Variants in NWD2 observed in about 807,000 individuals in gnomAD.
NWD2 encodes NACHT and WD repeat domain containing 2, also known as NACHT and WD repeat domain-containing protein 2.
NWD2 carries 37 observed loss-of-function variants against 132.7 expected under a neutral mutation model. The observed-to-expected ratio is 0.28, with a 90% CI of 0.21 to 0.37. The LOEUF (loss-of-function observed/expected upper bound fraction) is 0.37, where lower values mean the gene tolerates loss of function less well. Among genes scored for constraint, NWD2 ranks in the 10% least tolerant of loss-of-function variants. The pLI is 1.00. For synonymous variants in NWD2, 705 were observed against 803.0 expected (o/e 0.88, Z 2.06); for missense variants, 1,592 against 2,122.4 (o/e 0.75, Z 4.91).
At chr4:37,318,279 G>T (rs1349744677) in intron 1 of NWD2, among the ~76,000 whole-genome samples, 1 of 151,934 alleles carries the variant, frequency 6.6e-6, no homozygotes, top group Non-Finnish European at 1.5e-5. Context: ...ACTGACCTTG[G>T]CCTCCCAAAG....
At chr4:37,271,294 T>G (rs950145575) in intron 1 of NWD2, among the ~76,000 whole-genome samples, 3 of 151,834 alleles carry the variant, frequency 2.0e-5, no homozygotes, top group African/African-American at 7.2e-5. Context: ...GGAGTTTGAT[T>G]GGGATTCCAT....
At chr4:37,320,332 C>T (rs1360429514) in intron 1 of NWD2, among the ~76,000 whole-genome samples, 1 of 152,210 alleles carries the variant, frequency 6.6e-6, no homozygotes, top group Non-Finnish European at 1.5e-5. Flanking sequence ...TATATTTACA[C>T]TTGCTAAGCA....
chr4:37,324,316 A>G (rs143836864), intron 1 of NWD2, among the ~76,000 whole-genome samples: 32 of 152,170 alleles, frequency 2.1e-4, no homozygotes, highest in African/African-American at 7.0e-4. Context: ...CGATTTAGAT[A>G]CCATTTTTTT....
intron 3 of NWD2, among the ~76,000 whole-genome samples, chr4:37,366,866 A>G (rs1720109899): frequency 6.6e-6 from 1 of 152,180 alleles, no homozygotes; most frequent in Non-Finnish European, 1.5e-5. Flanking sequence ...GGAGAAATAG[A>G]CAAATCTACA....
chr4:37,359,708 A>T (rs1191683607), intron 3 of NWD2, among the ~76,000 whole-genome samples: 1 of 152,176 alleles, frequency 6.6e-6, no homozygotes, highest in Non-Finnish European at 1.5e-5. Context: ...ACACCCAGGG[A>T]ATTGAGTTCC....
chr4:37,253,310 A>G (rs1480034351), intron 1 of NWD2, among the ~76,000 whole-genome samples: 1 of 152,232 alleles, frequency 6.6e-6, no homozygotes, highest in Non-Finnish European at 1.5e-5. Flanking sequence ...GAATGCCTTC[A>G]TGCATCCTAA....
rs1315042575 is a variant in NWD2 at position 37,448,716 on chromosome 4, C to T, written c.*1499C>T. On this transcript the variant is annotated 3_prime_UTR_variant, in exon 7 of 7. Coordinates refer to ENST00000309447, the MANE Select transcript of NWD2 (RefSeq NM_001144990.2). ...CATAAACTCATTGTGTATTCCTAGA[C>T]AGGTCTTTAACTTCATCAGTGTGTT... 1.3e-5 allele frequency: 2 copies of T among 152,142 alleles called. No homozygotes were observed. The highest frequency in any genetic ancestry group is 2.9e-5 in the Non-Finnish European group (2 of 68,018). 9.4% of individuals were successfully genotyped at this position (152,142 alleles called of 1,614,324 possible).
chr4:37,358,258 A>G (rs1123788), intron 3 of NWD2, among the ~76,000 whole-genome samples: 52,249 of 151,954 alleles, frequency 0.34, 10,297 homozygotes, highest in Middle Eastern at 0.5. Flanking sequence ...TATTTTAAGC[A>G]TGGCCTTGGC....
At chr4:37,361,627 C>A (rs1448331675) in intron 3 of NWD2, among the ~76,000 whole-genome samples, 2 of 151,744 alleles carry the variant, frequency 1.3e-5, no homozygotes, top group Non-Finnish European at 3.0e-5. Context: ...GATAAACATT[C>A]CTTCTTGATA....
At chr4:37,363,914 G>T (rs1006966224) in intron 3 of NWD2, among the ~76,000 whole-genome samples, 15 of 151,566 alleles carry the variant, frequency 9.9e-5, no homozygotes, top group Admixed American at 2.0e-4. Flanking sequence ...ATGAGGTCAG[G>T]AGTTCAAGAC....
intron 3 of NWD2, among the ~76,000 whole-genome samples, chr4:37,406,456 A>G (rs1462696773): frequency 6.6e-6 from 1 of 152,254 alleles, no homozygotes; most frequent in African/African-American, 2.4e-5. Flanking sequence ...CCAAAGGATT[A>G]TAAATCATTC....
chr4:37,301,474 C>G lies in NWD2; in HGVS notation c.152-24462C>G, dbSNP rs187091763. ...TCAAAAGATGTATATTAGATTGTCT[C>G]CATATATTATGCCTATCTCATATAC... is the stretch of plus-strand genomic sequence containing the variant. On this transcript the variant is annotated intron_variant, in intron 1 of 6. Transcript: ENST00000309447. 5.4e-3 allele frequency among the ~76,000 whole-genome samples: 825 copies of G among 151,944 alleles called. 5 individuals carry two copies. Among genetic ancestry groups the G allele is most frequent in the Non-Finnish European group, 7.2e-3 (492 of 67,876 alleles).
intron 3 of NWD2, among the ~76,000 whole-genome samples, chr4:37,407,533 C>T (rs747097298): frequency 2.0e-5 from 3 of 152,188 alleles, no homozygotes; most frequent in Non-Finnish European, 4.4e-5. Flanking sequence ...ATAGGATAAA[C>T]AACCTGCTTA....
chr4:37,326,092 A>T, intron 2 of NWD2, 68 bp downstream of exon 2: 1 of 1,041,606 alleles, frequency 9.6e-7, no homozygotes, highest in Non-Finnish European at 1.4e-6. Context: ...TTCTTGTCAC[A>T]ACTTGAGTGT....
intron 1 of NWD2, among the ~76,000 whole-genome samples, chr4:37,320,489 T>C (rs1366021093): frequency 2.0e-5 from 3 of 152,192 alleles, no homozygotes; most frequent in African/African-American, 7.2e-5. Flanking sequence ...GACTTTTTGC[T>C]TCTTGGGTTG....
intron 3 of NWD2, among the ~76,000 whole-genome samples, chr4:37,366,937 C>A (rs1196908664): frequency 4.6e-5 from 7 of 152,006 alleles, no homozygotes; most frequent in Non-Finnish European, 1.0e-4. Context: ...AAAACAAATC[C>A]GTAAGTATGT....
chr4:37,306,765 G>A (rs1329790417), intron 1 of NWD2, among the ~76,000 whole-genome samples: 1 of 152,162 alleles, frequency 6.6e-6, no homozygotes, highest in Non-Finnish European at 1.5e-5. Context: ...GCTGATGCCT[G>A]TAATCCCAGC....
chr4:37,284,000 A>G (rs1424028747), intron 1 of NWD2, among the ~76,000 whole-genome samples: 2 of 152,216 alleles, frequency 1.3e-5, no homozygotes, highest in Non-Finnish European at 2.9e-5. Context: ...ATATTTGACA[A>G]TATCCTCTGG....
At chr4:37,250,495 T>C (rs1236147977) in intron 1 of NWD2, among the ~76,000 whole-genome samples, 1 of 152,216 alleles carries the variant, frequency 6.6e-6, no homozygotes, top group Non-Finnish European at 1.5e-5. Context: ...AAGTCAATGA[T>C]ATCACCTGTC....
Sources: allele counts gnomAD v4.1 joint callset (sites outside exome capture counted in the v4.1 genomes callset), GRCh38; gene constraint gnomAD v4.1.1; transcripts MANE v1.5; gene names NCBI Gene and HGNC (gene_info 2026-07-23, HGNC 2026-07-21).